Variants in ACVR2A observed in about 807,000 individuals in gnomAD.
The protein encoded by ACVR2A is activin receptor type-2A.
A neutral mutation model predicts 61.4 loss-of-function variants in ACVR2A; 7 were observed. The observed-to-expected ratio is 0.11, with a 90% confidence interval of 0.06 to 0.21. The LOEUF (loss-of-function observed/expected upper bound fraction) is 0.21. Among genes scored for constraint, ACVR2A ranks in the 10% least tolerant of loss-of-function variants. ACVR2A has a pLI of 1.00. For synonymous variants in ACVR2A, 193 were observed against 208.3 expected (o/e 0.93, Z 0.63); for missense variants, 322 against 621.7 (o/e 0.52, Z 5.13).
At chr2:147,862,286 T>G (rs541780216) in intron 1 of ACVR2A, among the ~76,000 whole-genome samples, 1 of 152,234 alleles carries the variant, frequency 6.6e-6, no homozygotes, top group Non-Finnish European at 1.5e-5. Flanking sequence ...GGGCAGATTT[T>G]TTTTTTTTTT....
intron 1 of ACVR2A, among the ~76,000 whole-genome samples, chr2:147,863,073 A>G (rs1685766150): frequency 6.6e-6 from 1 of 152,196 alleles, no homozygotes; most frequent in African/African-American, 2.4e-5. Context: ...GCCTAAGGCT[A>G]TGTAATTAAG....
chr2:147,926,946 A>G (rs752125053), intron 10 of ACVR2A, 134 bp from the exon 11 acceptor site: 79 of 776,112 alleles, frequency 1.0e-4, no homozygotes, highest in Non-Finnish European at 1.4e-4. Context: ...TGCACATGGT[A>G]GTCAATAAAA....
At chr2:147,909,699 A>C (rs1393386707) in intron 4 of ACVR2A, among the ~76,000 whole-genome samples, 1 of 152,142 alleles carries the variant, frequency 6.6e-6, no homozygotes, top group Non-Finnish European at 1.5e-5. Flanking sequence ...ATGCAGTGGC[A>C]TGATCACAGC....
chr2:147,919,974 G>A (rs1460127431), intron 7 of ACVR2A, among the ~76,000 whole-genome samples: 2 of 151,948 alleles, frequency 1.3e-5, no homozygotes, highest in Non-Finnish European at 2.9e-5. Context: ...TTTTTGGTAT[G>A]GCAGATTTTT....
intron 1 of ACVR2A, among the ~76,000 whole-genome samples, chr2:147,878,601 G>C (rs1345875840): frequency 6.6e-6 from 1 of 152,078 alleles, no homozygotes; most frequent in Non-Finnish European, 1.5e-5. Flanking sequence ...GGGATTTTTA[G>C]AGAAAGGTTA....
chr2:147,907,651 C>T (rs971064902), intron 4 of ACVR2A, among the ~76,000 whole-genome samples: 16 of 152,138 alleles, frequency 1.1e-4, no homozygotes, highest in Non-Finnish European at 4.4e-5. Context: ...GGTGGCAAAG[C>T]CTGGGCATTT....
intron 4 of ACVR2A, among the ~76,000 whole-genome samples, chr2:147,913,511 G>A (rs1687170455): frequency 6.6e-6 from 1 of 151,816 alleles, no homozygotes; most frequent in Non-Finnish European, 1.5e-5. Context: ...TGCCCTTGAG[G>A]ACTGAATGGT....
intron 1 of ACVR2A, among the ~76,000 whole-genome samples, chr2:147,855,998 T>C (rs1333336603): frequency 1.3e-5 from 2 of 152,324 alleles, no homozygotes; most frequent in African/African-American, 2.4e-5. Context: ...AGAAACTCAG[T>C]GTATTTTATA....
intron 4 of ACVR2A, among the ~76,000 whole-genome samples, chr2:147,910,437 T>C (rs925682916): frequency 2.0e-5 from 3 of 152,182 alleles, no homozygotes; most frequent in South Asian, 2.1e-4. Flanking sequence ...TCTGGAGTAC[T>C]GGATAAGATG....
In ACVR2A at chr2:147,908,759, G is replaced by C. The variant is rs889499982; in HGVS notation, c.529-6432G>C. ...CAGTTTTCATATAGTTTGGATAGGA[G>C]GACCTTAATTCGTCTTGGTAGTCCT... is the stretch of plus-strand genomic sequence containing the variant. On this transcript the variant is annotated intron_variant, in intron 4 of 10. Transcript: ENST00000241416. Among the ~76,000 whole-genome samples, 18 of 152,058 alleles carry C rather than the reference G, an allele frequency of 1.2e-4. 1 individual carries two copies. The South Asian group carries it at 3.5e-3, about 30-fold the overall frequency.
At chr2:147,845,348 G>GCCCCCCCC (rs557975990) in intron 1 of ACVR2A, 141 bp downstream of exon 1, 15 of 231,112 alleles carry the variant, frequency 6.5e-5, no homozygotes, top group African/African-American at 3.5e-4. Flanking sequence ...GGCTGCCACC[G>GCCCCCCCC]CCCCCCCCCC....
In ACVR2A at chr2:147,897,742, C is replaced by T. The variant is rs190891745; in HGVS notation, c.263+1234C>T. Among the ~76,000 whole-genome samples, 5 of 152,262 alleles carry T rather than the reference C, an allele frequency of 3.3e-5. No homozygotes were observed. In the East Asian group the frequency reaches 7.7e-4, roughly 24 times the overall value. On this transcript the variant is annotated intron_variant, in intron 2 of 10. Coordinates refer to ENST00000241416, the MANE Select transcript of ACVR2A (RefSeq NM_001616.5). ...CTACACTTTTTGTGAGAAATTACAA[C>T]ACAGTCATTTAGATTTAGATATATA...
intron 1 of ACVR2A, among the ~76,000 whole-genome samples, chr2:147,871,065 A>G (rs16827972): frequency 0.012 from 1,839 of 152,118 alleles, 44 homozygotes; most frequent in African/African-American, 0.042. Flanking sequence ...AGACTCTTCT[A>G]TTTCTTTTGG....
chr2:147,892,340 C>T (rs927377140), intron 1 of ACVR2A, among the ~76,000 whole-genome samples: 7 of 151,390 alleles, frequency 4.6e-5, no homozygotes, highest in Admixed American at 2.0e-4. Context: ...GCTATAATTT[C>T]TTCCACAGTT....
At chr2:147,919,916 T>G (rs1303232517) in intron 7 of ACVR2A, among the ~76,000 whole-genome samples, 1 of 152,186 alleles carries the variant, frequency 6.6e-6, no homozygotes, top group Non-Finnish European at 1.5e-5. Flanking sequence ...CTCTGAGATA[T>G]TAACAGTAGT....
chr2:147,904,558 A>G (rs1412045071), intron 4 of ACVR2A, among the ~76,000 whole-genome samples: 1 of 151,982 alleles, frequency 6.6e-6, no homozygotes, highest in Admixed American at 6.6e-5. Flanking sequence ...TTCAATCTTT[A>G]TGATAGTTTG....
Position 147,930,395 on chromosome 2 carries a change from A to C in ACVR2A, c.*3121A>C, listed in dbSNP as rs1323781419. 3 of 149,150 alleles carry C rather than the reference A, an allele frequency of 2.0e-5. No individual in the cohort carries two copies. Among genetic ancestry groups the C allele is most frequent in the Admixed American group, 2.0e-4 (3 of 14,928 alleles). 9.2% of individuals were successfully genotyped at this position (149,150 alleles called of 1,614,324 possible). A position where few individuals can be genotyped will look rare whatever the true frequency, so the allele number is the denominator to read the frequency against. On this transcript the variant is annotated 3_prime_UTR_variant, in exon 11 of 11. Coordinates refer to ENST00000241416, the MANE Select transcript of ACVR2A (RefSeq NM_001616.5). ...TTTAAAGAAAGAAGCTTCATCACAGATACTTTCCAGTTTCTCTTTTATACT... is the reference window on the plus strand; with the variant it reads ...TTTAAAGAAAGAAGCTTCATCACAGCTACTTTCCAGTTTCTCTTTTATACT...
rs554610898 is a variant in ACVR2A at position 147,891,941 on chromosome 2, G to A, written c.56-4360G>A. On this transcript the variant is annotated intron_variant, in intron 1 of 10. Coordinates refer to ENST00000241416, the MANE Select transcript of ACVR2A (RefSeq NM_001616.5). The stretch of plus-strand genomic sequence containing the variant: ...TATTGTTTGCATACAGATAAGTGGT[G>A]GTAGCAGCCCTTCTTTTTTTTGTTT... Among the ~76,000 whole-genome samples, 3 of 151,816 alleles carry A rather than the reference G, an allele frequency of 2.0e-5. No homozygotes were observed. In the South Asian group the frequency reaches 6.3e-4, roughly 32 times the overall value.
At chr2:147,859,954 C>T (rs775236504) in intron 1 of ACVR2A, among the ~76,000 whole-genome samples, 5 of 152,116 alleles carry the variant, frequency 3.3e-5, no homozygotes, top group African/African-American at 4.8e-5. Flanking sequence ...GAGCTATGTA[C>T]GACTTCCTTT....
Sources: allele counts gnomAD v4.1 joint callset (sites outside exome capture counted in the v4.1 genomes callset), GRCh38; gene constraint gnomAD v4.1.1; transcripts MANE v1.5; gene names NCBI Gene and HGNC (gene_info 2026-07-23, HGNC 2026-07-21).